Variants in MAPK10 observed in about 807,000 individuals in gnomAD.
MAPK10 encodes the protein mitogen-activated protein kinase 10, also known as JNK3 alpha protein kinase.
A neutral mutation model predicts 59.3 loss-of-function variants in MAPK10; 25 were observed. That is an observed-to-expected ratio of 0.42 (90% confidence interval 0.31 to 0.59). The LOEUF (loss-of-function observed/expected upper bound fraction) is 0.59, where lower values mean the gene tolerates loss of function less well. Ranked by LOEUF, MAPK10 falls within the 20% of genes least tolerant of loss-of-function variation. The probability of loss-of-function intolerance (pLI) is 0.15; values close to 1 mark genes in which losing one functional copy is unlikely to be tolerated. For synonymous variants in MAPK10, 190 were observed against 200.5 expected (o/e 0.95, Z 0.44); for missense variants, 351 against 568.9 (o/e 0.62, Z 3.90).
intron 11 of MAPK10, among the ~76,000 whole-genome samples, chr4:86,034,203 G>C (rs1286404113): frequency 6.6e-6 from 1 of 152,324 alleles, no homozygotes; most frequent in East Asian, 1.9e-4. Flanking sequence ...ACAGTTATCA[G>C]GGCCTGTGAC....
intron 1 of MAPK10, among the ~76,000 whole-genome samples, chr4:86,365,394 T>C (rs1478540340): frequency 8.2e-6 from 1 of 121,376 alleles, no homozygotes; most frequent in East Asian, 2.7e-4. Flanking sequence ...ACTGCACCAT[T>C]GCGCTCCAGC....
intron 1 of MAPK10, among the ~76,000 whole-genome samples, chr4:86,466,523 G>T (rs1295641468): frequency 6.6e-6 from 1 of 152,232 alleles, no homozygotes; most frequent in East Asian, 1.9e-4. Flanking sequence ...GTGCCACTGG[G>T]TTAGGGTCTC....
At chr4:86,297,287 A>T (rs1355537131) in intron 2 of MAPK10, among the ~76,000 whole-genome samples, 1 of 152,112 alleles carries the variant, frequency 6.6e-6, no homozygotes, top group Non-Finnish European at 1.5e-5. Flanking sequence ...TAAAGATGTT[A>T]TATAGAGTTT....
chr4:86,128,766 C>T (rs1044627179), intron 4 of MAPK10, among the ~76,000 whole-genome samples: 3 of 151,936 alleles, frequency 2.0e-5, no homozygotes, highest in Admixed American at 6.6e-5. Context: ...TATAGGAGCA[C>T]AACACATATT....
intron 2 of MAPK10, among the ~76,000 whole-genome samples, chr4:86,270,690 ACCT>A (rs2094407288): frequency 6.6e-6 from 1 of 151,810 alleles, no homozygotes. Context: ...CCATCCCCAC[ACCT>A]CCTAAGCAAC....
At chr4:86,171,286 G>T (rs915080014) in intron 3 of MAPK10, among the ~76,000 whole-genome samples, 1 of 152,114 alleles carries the variant, frequency 6.6e-6, no homozygotes, top group Non-Finnish European at 1.5e-5. Flanking sequence ...GAACCTAGGA[G>T]CTGGTTTTTT....
chr4:86,116,636 C>T (rs1032838867), intron 4 of MAPK10, among the ~76,000 whole-genome samples: 3 of 152,196 alleles, frequency 2.0e-5, no homozygotes, highest in African/African-American at 7.2e-5. Flanking sequence ...CTAGACAGTT[C>T]TCCTGGAAAC....
At chr4:86,228,454 T>A (rs1439452137) in intron 2 of MAPK10, among the ~76,000 whole-genome samples, 1 of 152,206 alleles carries the variant, frequency 6.6e-6, no homozygotes, top group Non-Finnish European at 1.5e-5. Flanking sequence ...TGCAGCTTCC[T>A]CTATCTGAAA....
At chr4:86,403,467 G>C (rs1299754237) in intron 1 of MAPK10, among the ~76,000 whole-genome samples, 1 of 152,138 alleles carries the variant, frequency 6.6e-6, no homozygotes, top group Non-Finnish European at 1.5e-5. Context: ...AGTGAGTTAA[G>C]ATTGTACAAC....
Position 86,440,021 on chromosome 4 carries a change from T to A in MAPK10, c.-122+13009A>T, listed in dbSNP as rs140836464. ...TCTCTCCTCAAAATGTAAAGCTGAG[T>A]GGGAATACAAATTTTTCTTCTGAAA... On this transcript the variant is annotated intron_variant, in intron 1 of 13. Coordinates refer to the MAPK10 transcript ENST00000361569. Among the ~76,000 whole-genome samples, 250 of 152,068 alleles carry A rather than the reference T, an allele frequency of 1.6e-3. 4 individuals carry two copies. The highest frequency in any genetic ancestry group is 5.6e-3 in the African/African-American group (233 of 41,486).
intron 1 of MAPK10, among the ~76,000 whole-genome samples, chr4:86,406,364 G>GAT (rs1167307415): frequency 6.6e-6 from 1 of 152,156 alleles, no homozygotes; most frequent in Non-Finnish European, 1.5e-5. Flanking sequence ...ACTAGCTTAT[G>GAT]ATATAGTTAG....
Position 86,017,291 on chromosome 4 carries a change from G to A in MAPK10, c.1332C>T (p.Thr444=), listed in dbSNP as rs551248584. The A allele has an allele frequency of 8.1e-6, 13 of 1,614,136 alleles. No individual in the cohort carries two copies. The South Asian group carries it at 1.4e-4, about 18-fold the overall frequency. Residue 444 remains threonine (T), a synonymous_variant, in exon 14 of 14, where the codon ACC becomes ACT. Coordinates refer to ENST00000641462, the MANE Select transcript of MAPK10 (RefSeq NM_138982.4). The surrounding 1 kb of genome is among the most constrained non-coding windows in gnomAD (Gnocchi z 4.4). ...NDISSMSTDQ[T]LASDTDSSLE... is the part of the protein sequence containing the mutation. Reference sequence around the variant, plus strand: ...GGCTGCTGTCAGTGTCAGATGCCAGGGTCTGGTCGGTGGACATGGAGGAGA... The same window carrying A: ...GGCTGCTGTCAGTGTCAGATGCCAGAGTCTGGTCGGTGGACATGGAGGAGA...
chr4:86,397,820 A>G (rs1457732431), intron 1 of MAPK10, among the ~76,000 whole-genome samples: 1 of 151,094 alleles, frequency 6.6e-6, no homozygotes, highest in Non-Finnish European at 1.5e-5. Context: ...CAGTTTTCCA[A>G]ATGAATTTCC....
In MAPK10 at chr4:86,067,844, G is replaced by A. The variant is rs866305399; in HGVS notation, c.914C>T (p.Ala305Val). The stretch of plus-strand genomic sequence containing the variant: ...GAAGAGTTTGGGGAAGGTGAGTCCC[G>A]CATACTTGGGCCGATTCTCCACATA... ...RNYVENRPKY[A>V]GLTFPKLFPD... The change falls in exon 10 of 14, where the codon GCG becomes GTG. Residue 305 changes from alanine (A) to valine (V), a missense_variant. Physicochemically the swap from Ala to Val is moderately conservative, Grantham distance 64. Coordinates refer to ENST00000641462, the MANE Select transcript of MAPK10 (RefSeq NM_138982.4). 4 of 1,613,898 alleles carry A rather than the reference G, an allele frequency of 2.5e-6. No individual in the cohort carries two copies. Among genetic ancestry groups the A allele is most frequent in the Non-Finnish European group, 3.4e-6 (4 of 1,179,888 alleles).
intron 1 of MAPK10, among the ~76,000 whole-genome samples, chr4:86,546,191 C>G (rs1759139596): frequency 6.6e-6 from 1 of 151,086 alleles, no homozygotes; most frequent in African/African-American, 2.4e-5. Flanking sequence ...CCATTGCACT[C>G]CAGTCTGGAC....
intron 1 of MAPK10, among the ~76,000 whole-genome samples, chr4:86,565,588 A>G (rs1334504240): frequency 6.6e-6 from 1 of 152,228 alleles, no homozygotes; most frequent in Non-Finnish European, 1.5e-5. Flanking sequence ...GATAATGCTA[A>G]GGGAAACAGA....
chr4:86,358,477 C>A, intron 1 of MAPK10: 1 of 592,182 alleles, frequency 1.7e-6, no homozygotes, highest in Non-Finnish European at 2.1e-6. Context: ...CAGAAGCAGG[C>A]AGGGCTGCTG....
At chr4:86,179,045 A>T (rs949851393) in intron 3 of MAPK10, among the ~76,000 whole-genome samples, 8 of 151,984 alleles carry the variant, frequency 5.3e-5, no homozygotes, top group Admixed American at 3.9e-4. Context: ...TACTAAAAAT[A>T]CAAAGAATTA....
chr4:86,479,670 C>A (rs11947245), intron 1 of MAPK10, among the ~76,000 whole-genome samples: 18,369 of 152,050 alleles, frequency 0.12, 1,792 homozygotes, highest in African/African-American at 0.27. Flanking sequence ...GTAAATAAAT[C>A]ATCTTTGCCG....
Sources: allele counts gnomAD v4.1 joint callset (sites outside exome capture counted in the v4.1 genomes callset), GRCh38; gene constraint gnomAD v4.1.1; non-coding constraint Gnocchi (gnomAD v3.1); transcripts MANE v1.5; gene names NCBI Gene and HGNC (gene_info 2026-07-23, HGNC 2026-07-21).